Variants in WDPCP observed in about 807,000 individuals in gnomAD.
WDPCP encodes WD repeat-containing and planar cell polarity effector protein fritz homolog.
WDPCP carries 71 observed loss-of-function variants against 93.1 expected under a neutral mutation model. The ratio of observed to expected loss-of-function variants is 0.76; its 90% CI spans 0.63 to 0.93. The LOEUF is 0.93. WDPCP is among the 40% of genes least tolerant of loss of function. The probability of loss-of-function intolerance (pLI) is 0.00; values close to 1 mark genes in which losing one functional copy is unlikely to be tolerated. For synonymous variants in WDPCP, 315 were observed against 315.0 expected (o/e 1.00, Z 0.00); for missense variants, 844 against 887.4 (o/e 0.95, Z 0.62).
intron 12 of WDPCP, among the ~76,000 whole-genome samples, chr2:63,336,562 G>A (rs1688380143): frequency 6.6e-6 from 1 of 152,048 alleles, no homozygotes; most frequent in Non-Finnish European, 1.5e-5. Flanking sequence ...ACATGAATGG[G>A]TATTGAATGT....
intron 3 of WDPCP, among the ~76,000 whole-genome samples, chr2:63,625,564 A>T (rs1244243084): frequency 6.6e-6 from 1 of 152,206 alleles, no homozygotes; most frequent in Non-Finnish European, 1.5e-5. Flanking sequence ...ATCATGAGTG[A>T]ACTCCCATTC....
intron 14 of WDPCP, among the ~76,000 whole-genome samples, chr2:63,249,676 G>C (rs1680560923): frequency 6.6e-6 from 1 of 152,154 alleles, no homozygotes; most frequent in South Asian, 2.1e-4. Flanking sequence ...TTGGCTGTAT[G>C]TCACTCAGAG....
chr2:63,232,362 A>G (rs1216331174), intron 14 of WDPCP: 2 of 152,164 alleles, frequency 1.3e-5, no homozygotes, highest in Non-Finnish European at 2.9e-5. Context: ...CTTTAACTTC[A>G]TTTAACAGAA....
At chr2:63,347,278 C>G (rs1689255086) in intron 12 of WDPCP, among the ~76,000 whole-genome samples, 1 of 152,158 alleles carries the variant, frequency 6.6e-6, no homozygotes, top group Admixed American at 6.5e-5. Context: ...CACAAGACAC[C>G]TAGTTATATT....
At chr2:63,560,920 A>T (rs1706562229) in intron 1 of WDPCP, among the ~76,000 whole-genome samples, 1 of 152,218 alleles carries the variant, frequency 6.6e-6, no homozygotes, top group South Asian at 2.1e-4. Flanking sequence ...AACATGGCAC[A>T]TGCATACATA....
At chr2:63,479,656 A>G (rs1444063877) in intron 6 of WDPCP, among the ~76,000 whole-genome samples, 2 of 152,086 alleles carry the variant, frequency 1.3e-5, no homozygotes. Context: ...TAGAAGGGAC[A>G]TACCTTAATG....
chr2:63,232,034 A>G (rs989693264), intron 14 of WDPCP, among the ~76,000 whole-genome samples: 2 of 152,200 alleles, frequency 1.3e-5, no homozygotes, highest in African/African-American at 4.8e-5. Flanking sequence ...CCACACATCT[A>G]CAACCATCTG....
At chr2:63,561,857 A>G (rs1227515051) in intron 1 of WDPCP, among the ~76,000 whole-genome samples, 1 of 152,202 alleles carries the variant, frequency 6.6e-6, no homozygotes, top group Non-Finnish European at 1.5e-5. Context: ...AGTAATTAAA[A>G]AGTCAAGAAA....
chr2:63,604,551 A>G, intron 3 of WDPCP: 1 of 682,060 alleles, frequency 1.5e-6, no homozygotes, highest in Non-Finnish European at 2.4e-6. Context: ...ATAAATTTAC[A>G]TTTTTTACAA....
At chr2:63,154,139 A>AT (rs781035684) in intron 15 of WDPCP, among the ~76,000 whole-genome samples, 14 of 150,762 alleles carry the variant, frequency 9.3e-5, no homozygotes, top group East Asian at 1.9e-4. Flanking sequence ...TCTTTCACTT[A>AT]TTTTTTTTTG....
chr2:63,734,448 A>G (rs183027672), intron 2 of WDPCP, among the ~76,000 whole-genome samples: 2 of 152,268 alleles, frequency 1.3e-5, no homozygotes. Context: ...AACTTTCCCT[A>G]TTTAGGTACA....
At chr2:63,449,351 G>A (rs1303093869) in intron 6 of WDPCP, among the ~76,000 whole-genome samples, 3 of 152,100 alleles carry the variant, frequency 2.0e-5, no homozygotes, top group Admixed American at 2.0e-4. Context: ...GTTCAATATG[G>A]CTGATTAGAG....
At chr2:63,207,036 T>C (rs1676393295) in intron 14 of WDPCP, among the ~76,000 whole-genome samples, 1 of 152,204 alleles carries the variant, frequency 6.6e-6, no homozygotes, top group Non-Finnish European at 1.5e-5. Context: ...CTATGAGTTA[T>C]GACCACTGTA....
At chr2:63,317,803 A>C (rs1686774609) in intron 12 of WDPCP, among the ~76,000 whole-genome samples, 1 of 152,310 alleles carries the variant, frequency 6.6e-6, no homozygotes, top group Non-Finnish European at 1.5e-5. Flanking sequence ...ACCCAAAACT[A>C]TAAAAACCTT....
At chr2:63,736,099 A>G (rs978699851) in intron 2 of WDPCP, among the ~76,000 whole-genome samples, 2 of 152,224 alleles carry the variant, frequency 1.3e-5, no homozygotes, top group East Asian at 3.8e-4. Context: ...GTGAAACTGA[A>G]CACCATAGAG....
chr2:63,740,172 A>T (rs1249360415), intron 2 of WDPCP, among the ~76,000 whole-genome samples: 1 of 152,126 alleles, frequency 6.6e-6, no homozygotes, highest in Admixed American at 6.6e-5. Flanking sequence ...TTTGCTGCAC[A>T]TATATGTGTA....
intron 6 of WDPCP, among the ~76,000 whole-genome samples, chr2:63,455,511 C>G (rs994332042): frequency 6.6e-6 from 1 of 150,440 alleles, no homozygotes; most frequent in Non-Finnish European, 1.5e-5. Flanking sequence ...ACAAAACACA[C>G]CAGGAGTAGT....
chr2:63,439,372 G>C (rs1271774222), intron 7 of WDPCP, among the ~76,000 whole-genome samples: 1 of 152,020 alleles, frequency 6.6e-6, no homozygotes, highest in Non-Finnish European at 1.5e-5. Context: ...AGCATCAATT[G>C]TGTACTGGTG....
chr2:63,483,690 TA>T (rs1478929187), intron 6 of WDPCP, among the ~76,000 whole-genome samples: 3 of 151,926 alleles, frequency 2.0e-5, no homozygotes, highest in South Asian at 2.1e-4. Flanking sequence ...AATCACATTG[TA>T]AAAAAGAATT....
Sources: gnomAD v4.1 joint callset for allele counts (sites outside exome capture counted in the v4.1 genomes callset) on GRCh38, gnomAD v4.1.1 for gene constraint, MANE v1.5 for transcripts, NCBI Gene and HGNC (gene_info 2026-07-23, HGNC 2026-07-21) for gene names.